Variants in MYCBP2 observed in about 807,000 individuals in gnomAD.
The protein encoded by MYCBP2 is MYC binding protein 2.
A neutral mutation model predicts 525.3 loss-of-function variants in MYCBP2; 120 were observed. That is an observed-to-expected ratio of 0.23 (90% CI 0.20 to 0.27). The LOEUF is 0.27. Ranked by LOEUF, MYCBP2 falls within the 10% of genes least tolerant of loss-of-function variation. The pLI, the probability that MYCBP2 is intolerant of heterozygous loss-of-function variation, is 1.00. For missense variants in MYCBP2, 4,149 were observed against 5,657.1 expected, an observed-to-expected ratio of 0.73 and a Z score of 8.55; for synonymous variants, 1,894 against 1,955.8, an observed-to-expected ratio of 0.97 and a Z score of 0.83.
intron 1 of MYCBP2, among the ~76,000 whole-genome samples, chr13:77,318,870 G>C (rs1231941880): frequency 1.3e-5 from 2 of 152,114 alleles, no homozygotes; most frequent in Non-Finnish European, 2.9e-5. Context: ...CTCCTTTCCT[G>C]TTCCACACTG....
intron 50 of MYCBP2, 38 bp downstream of exon 50, chr13:77,140,808 A>T: frequency 6.8e-7 from 1 of 1,478,940 alleles, no homozygotes; most frequent in Non-Finnish European, 9.3e-7. Context: ...AAACGTAAAA[A>T]TTGAATGATT....
At position 77,068,602 on chromosome 13, in the gene MYCBP2, G is replaced by A. The variant is rs779782007; in HGVS notation, c.12134C>T (p.Ser4045Leu). Residue 4045 changes from serine to leucine, a missense_variant, in exon 70 of 83, where the codon TCG becomes TTG. This residue lies in a region of MYCBP2 where 64 missense variants were observed against 131.2 expected (regional missense o/e 0.49). Transcript: ENST00000544440. ...TCTAGGAGAGGCTGTGTGAAGCAGC[G>A]AGAAGAGATCCTGAAGCAGGGTTAG... ...QQLTLLQDLF[S>L]LLHTASPRVQ... 15 of 1,614,090 alleles carry A rather than the reference G, an allele frequency of 9.3e-6. No individual in the cohort carries two copies. Among genetic ancestry groups the A allele is most frequent in the East Asian group, 2.2e-5 (1 of 44,862 alleles).
At chr13:77,086,239 C>T (rs1020281707) in intron 62 of MYCBP2, among the ~76,000 whole-genome samples, 8 of 151,920 alleles carry the variant, frequency 5.3e-5, no homozygotes, top group East Asian at 1.9e-4. Flanking sequence ...TCTTTCAGCA[C>T]GTTGAAAAAA....
intron 1 of MYCBP2, among the ~76,000 whole-genome samples, chr13:77,310,521 C>A (rs1001720651): frequency 6.6e-6 from 1 of 151,946 alleles, no homozygotes; most frequent in Non-Finnish European, 1.5e-5. Context: ...GACTCTATGG[C>A]CCATAAAGTC....
At chr13:77,243,598 G>A (rs2069277717) in intron 16 of MYCBP2, among the ~76,000 whole-genome samples, 1 of 145,706 alleles carries the variant, frequency 6.9e-6, no homozygotes, top group South Asian at 2.2e-4. Context: ...TGGCAACAGA[G>A]CAAGACTCCA....
At chr13:77,130,707 T>C (rs974765025) in intron 52 of MYCBP2, among the ~76,000 whole-genome samples, 10 of 152,186 alleles carry the variant, frequency 6.6e-5, no homozygotes, top group Admixed American at 5.2e-4. Context: ...TAAGAATTTG[T>C]AGAGTACTTG....
chr13:77,166,055 A>C (rs1172443412), intron 41 of MYCBP2, among the ~76,000 whole-genome samples: 1 of 152,182 alleles, frequency 6.6e-6, no homozygotes, highest in Non-Finnish European at 1.5e-5. Flanking sequence ...AACTACACAG[A>C]CAGCTAGCTA....
At chr13:77,091,346 A>C (rs2045384288) in intron 59 of MYCBP2, among the ~76,000 whole-genome samples, 1 of 152,138 alleles carries the variant, frequency 6.6e-6, no homozygotes, top group African/African-American at 2.4e-5. Context: ...GTTACTATAA[A>C]GCACAGACAT....
chr13:77,294,111 T>C (rs1207453873), intron 2 of MYCBP2, among the ~76,000 whole-genome samples: 3 of 54,476 alleles, frequency 5.5e-5, no homozygotes, highest in South Asian at 5.5e-4. Flanking sequence ...TGGCTATATA[T>C]ATATATATAT....
chr13:77,141,626 C>T (rs1566682902), intron 49 of MYCBP2, among the ~76,000 whole-genome samples: 1 of 151,938 alleles, frequency 6.6e-6, no homozygotes, highest in Non-Finnish European at 1.5e-5. Context: ...CAAAAATTAG[C>T]CGGGCCTGGT....
intron 55 of MYCBP2, among the ~76,000 whole-genome samples, chr13:77,105,772 T>C (rs2047762327): frequency 6.6e-6 from 1 of 152,092 alleles, no homozygotes; most frequent in South Asian, 2.1e-4. Context: ...GAGAATAATA[T>C]TAAAAACAAT....
Position 77,098,746 on chromosome 13 carries a change from C to T in MYCBP2, c.8408G>A (p.Arg2803Lys), listed in dbSNP as rs2046616727. 6.2e-7 allele frequency: 1 copy of T among 1,613,372 alleles called. No homozygotes were observed. The highest frequency in any genetic ancestry group is 1.3e-5 in the African/African-American group (1 of 74,788). Reference sequence around the variant, plus strand: ...TTCAGCTCTGGAGCTAGAAGGCATCCTCCCATCAGATTTCAATGTCTGCAA... The same window carrying T: ...TTCAGCTCTGGAGCTAGAAGGCATCTTCCCATCAGATTTCAATGTCTGCAA... ...NTLQTLKSDGRMPSSSRAESP... is the reference protein window; with the variant it reads ...NTLQTLKSDGKMPSSSRAESP... The change falls in exon 56 of 83, where the codon AGG (arginine) becomes AAG (lysine). Residue 2803 changes from arginine (R) to lysine (K), a missense_variant. Physicochemically the swap from Arg to Lys is conservative, Grantham distance 26 (BLOSUM62 2). This residue lies in a region of MYCBP2 where 653 missense variants were observed against 744.7 expected (regional missense o/e 0.88). Transcript: ENST00000544440.
intron 26 of MYCBP2, among the ~76,000 whole-genome samples, chr13:77,195,784 T>G (rs1219323199): frequency 1.3e-5 from 2 of 152,214 alleles, no homozygotes; most frequent in African/African-American, 4.8e-5. Context: ...AGGATTTTTG[T>G]ATTTGTTTCA....
Position 77,150,963 on chromosome 13 carries a change from T to G in MYCBP2, c.6916-14A>C. On this transcript the variant is annotated splice_polypyrimidine_tract_variant and intron_variant, in intron 46 of 82. Transcript: ENST00000544440. ...TTTCACTTCCACCTAAACATGGTATTATAGAAACCAAATACCATTATTATT... is the reference window on the plus strand; with the variant it reads ...TTTCACTTCCACCTAAACATGGTATGATAGAAACCAAATACCATTATTATT... The G allele has an allele frequency of 6.2e-7, 1 of 1,601,362 alleles. No homozygotes were observed. The highest frequency in any genetic ancestry group is 1.7e-5 in the Admixed American group (1 of 59,838).
intron 54 of MYCBP2, among the ~76,000 whole-genome samples, chr13:77,125,101 T>C (rs2051418411): frequency 6.6e-6 from 1 of 152,204 alleles, no homozygotes; most frequent in Admixed American, 6.5e-5. Flanking sequence ...GCCTGTTTTA[T>C]AAAGATGAGT....
intron 55 of MYCBP2, among the ~76,000 whole-genome samples, chr13:77,116,472 T>A (rs1481990967): frequency 3.3e-5 from 5 of 152,020 alleles, no homozygotes; most frequent in Admixed American, 2.0e-4. Flanking sequence ...TTTAAAAAAT[T>A]AAAACTATTT....
intron 8 of MYCBP2, 141 bp downstream of exon 8, chr13:77,267,700 A>G: frequency 1.5e-6 from 1 of 670,882 alleles, no homozygotes. Flanking sequence ...AGACTATAAA[A>G]TGCTTTGTAT....
At chr13:77,158,942 T>C (rs1407900764) in intron 44 of MYCBP2, among the ~76,000 whole-genome samples, 1 of 152,212 alleles carries the variant, frequency 6.6e-6, no homozygotes, top group African/African-American at 2.4e-5. Context: ...AAATTTTAGG[T>C]TTCACCTATC....
chr13:77,131,611 T>C (rs1302278129), intron 52 of MYCBP2, among the ~76,000 whole-genome samples: 1 of 152,138 alleles, frequency 6.6e-6, no homozygotes, highest in Admixed American at 6.5e-5. Flanking sequence ...AAAATGTTAA[T>C]TTTTCCAAAG....
Sources: gnomAD v4.1 joint callset for allele counts (sites outside exome capture counted in the v4.1 genomes callset) on GRCh38, gnomAD v4.1.1 for gene constraint, gnomAD v4.1.1 regional missense constraint, MANE v1.5 for transcripts, NCBI Gene and HGNC (gene_info 2026-07-23, HGNC 2026-07-21) for gene names.